Variants in SGCZ observed in about 807,000 individuals in gnomAD.
SGCZ encodes sarcoglycan zeta.
SGCZ carries 40 observed loss-of-function variants against 41.3 expected under a neutral mutation model. The ratio of observed to expected loss-of-function variants is 0.97; its 90% CI spans 0.75 to 1.26. SGCZ has a LOEUF of 1.26. Ranked by LOEUF, SGCZ falls within the 50% of genes most tolerant of loss-of-function variation. The pLI is 0.00. For missense variants in SGCZ, 552 were observed against 369.8 expected, an observed-to-expected ratio of 1.49 and a Z score of -4.04; for synonymous variants, 206 against 137.5, an observed-to-expected ratio of 1.50 and a Z score of -3.49.
At chr8:14,456,313 C>T (rs142674557) in intron 2 of SGCZ, among the ~76,000 whole-genome samples, 9 of 152,048 alleles carry the variant, frequency 5.9e-5, no homozygotes, top group East Asian at 1.9e-4. Flanking sequence ...GGGGCTGAGG[C>T]GGGAGAATCA....
chr8:14,309,172 A>C, intron 3 of SGCZ: 1 of 1,478,666 alleles, frequency 6.8e-7, no homozygotes, highest in East Asian at 2.3e-5. Flanking sequence ...AAAACGAAAA[A>C]AGCAAAACTT....
chr8:14,105,098 C>A (rs1802161257), intron 6 of SGCZ, among the ~76,000 whole-genome samples: 1 of 151,974 alleles, frequency 6.6e-6, no homozygotes, highest in Admixed American at 6.6e-5. Flanking sequence ...ACTGTTATGT[C>A]TTTGTTAACT....
chr8:14,276,301 A>G (rs974696518), intron 3 of SGCZ, among the ~76,000 whole-genome samples: 19 of 152,314 alleles, frequency 1.2e-4, no homozygotes, highest in African/African-American at 4.1e-4. Flanking sequence ...CCATTGAATC[A>G]TCACGTCACA....
At chr8:14,286,799 A>C (rs1223835777) in intron 3 of SGCZ, among the ~76,000 whole-genome samples, 1 of 152,146 alleles carries the variant, frequency 6.6e-6, no homozygotes, top group African/African-American at 2.4e-5. Flanking sequence ...TAAAGCTGCT[A>C]AGATACCCAT....
At chr8:14,993,768 T>A (rs560301562) in intron 1 of SGCZ, among the ~76,000 whole-genome samples, 1 of 152,104 alleles carries the variant, frequency 6.6e-6, no homozygotes, top group African/African-American at 2.4e-5. Context: ...AGAAGAATAA[T>A]AGGGACAAGG....
At chr8:14,235,581 A>T (rs1049802428) in intron 4 of SGCZ, among the ~76,000 whole-genome samples, 1 of 152,214 alleles carries the variant, frequency 6.6e-6, no homozygotes. Context: ...TGAAATGCAA[A>T]CAGTATTTGC....
At chr8:14,657,013 A>G (rs985184123) in intron 1 of SGCZ, among the ~76,000 whole-genome samples, 1 of 151,806 alleles carries the variant, frequency 6.6e-6, no homozygotes, top group Admixed American at 6.6e-5. Context: ...TTAAATGTTC[A>G]AAACTTAAAA....
intron 2 of SGCZ, among the ~76,000 whole-genome samples, chr8:14,446,888 G>C (rs1233244918): frequency 6.6e-6 from 1 of 152,078 alleles, no homozygotes; most frequent in African/African-American, 2.4e-5. Context: ...GATTATAGCA[G>C]ATCAATCTTC....
chr8:15,034,851 C>G (rs1238171649), intron 1 of SGCZ, among the ~76,000 whole-genome samples: 3 of 152,154 alleles, frequency 2.0e-5, no homozygotes, highest in African/African-American at 7.2e-5. Context: ...AATATTGTAT[C>G]TGGCAAAAAT....
intron 1 of SGCZ, among the ~76,000 whole-genome samples, chr8:14,792,688 G>A (rs1800994514): frequency 6.6e-6 from 1 of 151,936 alleles, no homozygotes; most frequent in African/African-American, 2.4e-5. Context: ...TTTAGCATTA[G>A]GTATATGTCC....
rs1440886276 is a variant in SGCZ, at chr8:14,090,239, C to T, written c.*204G>A. 1 of 436,618 alleles carries T rather than the reference C, an allele frequency of 2.3e-6. No individual in the cohort carries two copies. The highest frequency in any genetic ancestry group is 3.9e-6 in the Non-Finnish European group (1 of 254,058). The allele number at this position is 436,618 out of a possible 1,614,324, so 27.0% of individuals were successfully genotyped here. A position where few individuals can be genotyped will look rare whatever the true frequency, so the allele number is the denominator to read the frequency against. On this transcript the variant is annotated 3_prime_UTR_variant, in exon 8 of 8. Coordinates refer to ENST00000382080, the MANE Select transcript of SGCZ (RefSeq NM_139167.4). ...GTTTTCCTGCTGACGACGCTTTTTC[C>T]ACTGCTGTGTCAATCACACCCTCTG...
intron 1 of SGCZ, among the ~76,000 whole-genome samples, chr8:14,918,374 A>G (rs1034310391): frequency 6.6e-6 from 1 of 151,838 alleles, no homozygotes; most frequent in African/African-American, 2.4e-5. Context: ...TGGATTAAAC[A>G]CAACTTTCTG....
chr8:14,571,170 G>A (rs1510432), intron 1 of SGCZ, among the ~76,000 whole-genome samples: 40,007 of 151,956 alleles, frequency 0.26, 5,316 homozygotes, highest in South Asian at 0.29. Flanking sequence ...GCAAGGTGGC[G>A]GGAAAGGGAG....
At chr8:15,134,324 T>A (rs1329817381) in intron 1 of SGCZ, among the ~76,000 whole-genome samples, 2 of 151,774 alleles carry the variant, frequency 1.3e-5, no homozygotes, top group Non-Finnish European at 2.9e-5. Context: ...TTTGTTTCTT[T>A]ACTTCCAATA....
At chr8:14,334,774 C>A (rs1432163554) in intron 2 of SGCZ, among the ~76,000 whole-genome samples, 2 of 151,934 alleles carry the variant, frequency 1.3e-5, no homozygotes. Flanking sequence ...ATTTGTACAC[C>A]CATAGACTGT....
intron 2 of SGCZ, among the ~76,000 whole-genome samples, chr8:14,347,695 T>G (rs746469254): frequency 1.3e-5 from 2 of 151,916 alleles, no homozygotes; most frequent in African/African-American, 2.4e-5. Flanking sequence ...TTTTTAGAGA[T>G]TATTTATTTA....
chr8:15,209,954 T>C (rs573585080), intron 1 of SGCZ, among the ~76,000 whole-genome samples: 7 of 152,238 alleles, frequency 4.6e-5, no homozygotes, highest in South Asian at 2.1e-4. Context: ...ATGGCAGTTA[T>C]GGAGTTTCTG....
chr8:14,945,818 C>G (rs1165925867), intron 1 of SGCZ, among the ~76,000 whole-genome samples: 3 of 150,784 alleles, frequency 2.0e-5, no homozygotes, highest in Non-Finnish European at 3.0e-5. Context: ...GGAACTAACA[C>G]CAGTTACCCC....
At chr8:14,560,599 A>G (rs897641714) in intron 1 of SGCZ, among the ~76,000 whole-genome samples, 2 of 152,158 alleles carry the variant, frequency 1.3e-5, no homozygotes, top group Non-Finnish European at 2.9e-5. Flanking sequence ...TTTATCTCAT[A>G]TTAAAGCAAA....
Sources: gnomAD v4.1 joint callset for allele counts (sites outside exome capture counted in the v4.1 genomes callset) on GRCh38, gnomAD v4.1.1 for gene constraint, MANE v1.5 for transcripts, NCBI Gene and HGNC (gene_info 2026-07-23, HGNC 2026-07-21) for gene names.